Variants in CCDC171 observed in about 807,000 individuals in gnomAD.
CCDC171 encodes the protein coiled-coil domain-containing protein 171.
In CCDC171, 177 loss-of-function variants were observed where a neutral mutation model predicts 168.2. The observed-to-expected ratio is 1.05, with a 90% CI of 0.93 to 1.19. The LOEUF (loss-of-function observed/expected upper bound fraction) is 1.19, where lower values mean the gene tolerates loss of function less well. Ranked by LOEUF, CCDC171 falls within the 50% of genes most tolerant of loss-of-function variation. The pLI is 0.00. For synonymous variants in CCDC171, 687 were observed against 540.8 expected (o/e 1.27, Z -3.75); for missense variants, 1,991 against 1,539.0 (o/e 1.29, Z -4.91).
At chr9:15,916,087 C>A (rs889343799) in intron 24 of CCDC171, among the ~76,000 whole-genome samples, 1 of 151,740 alleles carries the variant, frequency 6.6e-6, no homozygotes, top group Non-Finnish European at 1.5e-5. Context: ...TAAATAGTAA[C>A]TTTTATTATC....
chr9:16,030,478 T>C (rs1434944580), intron 6 of CCDC171, among the ~76,000 whole-genome samples: 1 of 152,236 alleles, frequency 6.6e-6, no homozygotes, highest in Non-Finnish European at 1.5e-5. Context: ...TATAGGTGTG[T>C]ACTGTTCAAT....
chr9:15,963,691 G>A (rs974107918), intron 25 of CCDC171, among the ~76,000 whole-genome samples: 1 of 152,014 alleles, frequency 6.6e-6, no homozygotes, highest in African/African-American at 2.4e-5. Flanking sequence ...GCACCTTTTC[G>A]TATGTTTTTT....
At chr9:15,864,459 C>G (rs985026456) in intron 23 of CCDC171, among the ~76,000 whole-genome samples, 1 of 152,038 alleles carries the variant, frequency 6.6e-6, no homozygotes, top group Non-Finnish European at 1.5e-5. Flanking sequence ...TCCCTCCCCC[C>G]GCTCCCCGCA....
intron 25 of CCDC171, among the ~76,000 whole-genome samples, chr9:15,921,358 C>G (rs941101371): frequency 2.0e-4 from 30 of 151,586 alleles, no homozygotes. Flanking sequence ...TCTCCCTGCC[C>G]CCTGAAAAAC....
intron 21 of CCDC171, among the ~76,000 whole-genome samples, chr9:15,824,562 C>T (rs2059934804): frequency 6.6e-6 from 1 of 151,872 alleles, no homozygotes; most frequent in South Asian, 2.1e-4. Flanking sequence ...ATTTACAAAG[C>T]CTGTTTTAAC....
chr9:15,553,338 C>G (rs2038489386), intron 1 of CCDC171, 36 bp downstream of exon 1: 1 of 152,496 alleles, frequency 6.6e-6, no homozygotes. Context: ...AGGCGGACGA[C>G]TTGGGAGGGA....
chr9:15,822,679 G>A (rs192379426), intron 21 of CCDC171, among the ~76,000 whole-genome samples: 1 of 152,270 alleles, frequency 6.6e-6, no homozygotes, highest in East Asian at 1.9e-4. Flanking sequence ...AAAAAGTCAG[G>A]AAACAGCAGG....
intron 24 of CCDC171, among the ~76,000 whole-genome samples, chr9:15,883,446 C>G (rs1229371463): frequency 2.0e-5 from 3 of 152,088 alleles, no homozygotes; most frequent in African/African-American, 7.2e-5. Flanking sequence ...GTAGTGCCTT[C>G]TGTCTCTCAA....
chr9:15,750,160 A>G (rs2055622052), intron 18 of CCDC171, among the ~76,000 whole-genome samples: 2 of 152,200 alleles, frequency 1.3e-5, no homozygotes. Context: ...CCATACAAAT[A>G]CAGACTACCA....
intron 18 of CCDC171, among the ~76,000 whole-genome samples, chr9:15,771,677 A>G (rs966448988): frequency 1.3e-5 from 2 of 152,096 alleles, no homozygotes; most frequent in Non-Finnish European, 2.9e-5. Flanking sequence ...TGTTATGGTA[A>G]GTTACTGAGA....
chr9:15,978,765 G>A (rs953328469), downstream of CCDC171, among the ~76,000 whole-genome samples: 1 of 152,092 alleles, frequency 6.6e-6, no homozygotes, highest in African/African-American at 2.4e-5. Flanking sequence ...AACATACAAT[G>A]TATCCTTTTA....
At chr9:15,903,242 G>A (rs1005709457) in intron 24 of CCDC171, among the ~76,000 whole-genome samples, 2 of 152,152 alleles carry the variant, frequency 1.3e-5, no homozygotes, top group African/African-American at 2.4e-5. Context: ...CCTCAAGTGG[G>A]TCCCTGACCC....
rs143729145 is a variant in CCDC171 at position 16,058,609 on chromosome 9, G to A, written n.90-2037G>A. Among the ~76,000 whole-genome samples, 481 of 152,286 alleles carry A rather than the reference G, an allele frequency of 3.2e-3. 5 individuals are homozygous for A. The highest frequency in any genetic ancestry group is 0.011 in the African/African-American group (461 of 41,572). On this transcript the variant is annotated intron_variant and non_coding_transcript_variant, in intron 1 of 1. Coordinates refer to the CCDC171 transcript ENST00000478913. ...TTCAGGAGTTACCGATTCAGAAACT[G>A]GAGAAGCAGAACACAAAGAGACCTT...
At chr9:15,768,908 A>G (rs1473650876) in intron 18 of CCDC171, among the ~76,000 whole-genome samples, 1 of 152,196 alleles carries the variant, frequency 6.6e-6, no homozygotes, top group Non-Finnish European at 1.5e-5. Context: ...TTCTTATTGC[A>G]TGAATTAACA....
intron 1 of CCDC171, among the ~76,000 whole-genome samples, chr9:15,562,632 A>G (rs1488649333): frequency 6.6e-6 from 1 of 152,154 alleles, no homozygotes; most frequent in Non-Finnish European, 1.5e-5. Context: ...TAAGGCCCTA[A>G]CTATCTGAAA....
At chr9:15,935,550 A>C (rs956697737) in intron 25 of CCDC171, among the ~76,000 whole-genome samples, 1 of 152,056 alleles carries the variant, frequency 6.6e-6, no homozygotes, top group Non-Finnish European at 1.5e-5. Context: ...TAAATTTATA[A>C]TAAAATTATA....
At chr9:15,715,398 T>C (rs1199301164) in intron 11 of CCDC171, among the ~76,000 whole-genome samples, 1 of 152,214 alleles carries the variant, frequency 6.6e-6, no homozygotes, top group East Asian at 1.9e-4. Context: ...TCAAAAAAAG[T>C]CTAACTGCCA....
intron 1 of CCDC171, among the ~76,000 whole-genome samples, chr9:15,554,421 A>G (rs1000958294): frequency 6.6e-6 from 1 of 152,214 alleles, no homozygotes; most frequent in African/African-American, 2.4e-5. Flanking sequence ...AAACAAAGGC[A>G]GTGCAACCTG....
chr9:15,594,657 A>G (rs1230585247), intron 6 of CCDC171, among the ~76,000 whole-genome samples: 1 of 152,182 alleles, frequency 6.6e-6, no homozygotes, highest in Non-Finnish European at 1.5e-5. Context: ...ATTACATCTA[A>G]TCCCCTTTAT....
Sources: allele counts gnomAD v4.1 joint callset (sites outside exome capture counted in the v4.1 genomes callset), GRCh38; gene constraint gnomAD v4.1.1; transcripts MANE v1.5; gene names NCBI Gene and HGNC (gene_info 2026-07-23, HGNC 2026-07-21).